The following HABP2 variants were observed in gnomAD, a reference collection of about 807,000 sequenced individuals.
The protein encoded by HABP2 is hyaluronan binding protein 2.
In HABP2, 65 loss-of-function variants were observed where a neutral mutation model predicts 66.5. The ratio of observed to expected loss-of-function variants is 0.98; its 90% CI spans 0.80 to 1.20. The LOEUF is 1.20. HABP2 is among the 50% of genes most tolerant of loss of function. HABP2 has a pLI of 0.00. For missense variants in HABP2, 786 were observed against 691.0 expected, an observed-to-expected ratio of 1.14 and a Z score of -1.54; for synonymous variants, 263 against 253.9, an observed-to-expected ratio of 1.04 and a Z score of -0.34.
At chr10:113,570,772 G>A (rs751910775) in intron 2 of HABP2, among the ~76,000 whole-genome samples, 1 of 152,220 alleles carries the variant, frequency 6.6e-6, no homozygotes, top group Non-Finnish European at 1.5e-5. Context: ...CAATCAGAAA[G>A]CAGAAAGGCT....
At chr10:113,564,254 A>T (rs1845155856) in intron 1 of HABP2, among the ~76,000 whole-genome samples, 1 of 152,106 alleles carries the variant, frequency 6.6e-6, no homozygotes, top group Non-Finnish European at 1.5e-5. Context: ...CCATGATTCA[A>T]TTACCTCCCA....
chr10:113,564,599 A>G (rs11196379), intron 1 of HABP2, among the ~76,000 whole-genome samples: 49,459 of 151,584 alleles, frequency 0.33, 9,362 homozygotes, highest in East Asian at 0.51. Context: ...ATAACAAATG[A>G]CCTCTCTTCC....
At position 113,576,004 on chromosome 10, in the gene HABP2, G is replaced by C. The variant is rs1845402662; in HGVS notation, c.331G>C (p.Val111Leu). The C allele has an allele frequency of 6.5e-7, 1 of 1,527,790 alleles. No individual in the cohort carries two copies. Among genetic ancestry groups the C allele is most frequent in the South Asian group, 1.1e-5 (1 of 89,302 alleles). The allele number at this position is 1,527,790 out of a possible 1,614,324, so 94.6% of individuals were successfully genotyped here. Residue 111 changes from valine to leucine, a missense_variant and splice_region_variant, in exon 4 of 13, where the codon GTG becomes CTG. By Grantham distance (32) the Val-to-Leu change is conservative (BLOSUM62 1). Coordinates refer to ENST00000351270, the MANE Select transcript of HABP2 (RefSeq NM_004132.5). Reference sequence around the variant, plus strand: ...TTTCTCTGGGAATAAGTGTCAGAAAGGTGAGTCCGTCATCACTAGTCCACT... The same window carrying C: ...TTTCTCTGGGAATAAGTGTCAGAAACGTGAGTCCGTCATCACTAGTCCACT... ...APFSGNKCQK[V>L]QNTCKDNPCG...
chr10:113,581,798 G>A, intron 8 of HABP2, 78 bp from the exon 9 acceptor site: 2 of 1,479,570 alleles, frequency 1.4e-6, no homozygotes, highest in Non-Finnish European at 1.9e-6. Flanking sequence ...TGGGCTCAGA[G>A]TCATACCTCT....
intron 1 of HABP2, among the ~76,000 whole-genome samples, chr10:113,557,982 A>G (rs905071690): frequency 6.6e-6 from 1 of 152,216 alleles, no homozygotes; most frequent in Non-Finnish European, 1.5e-5. Flanking sequence ...GGTCTGCCCA[A>G]CGCCTAGTTC....
intron 1 of HABP2, among the ~76,000 whole-genome samples, chr10:113,563,182 A>C (rs1046239332): frequency 6.6e-6 from 1 of 152,070 alleles, no homozygotes; most frequent in African/African-American, 2.4e-5. Flanking sequence ...TCTTCCTCCT[A>C]CTCTTCCATC....
intron 9 of HABP2, among the ~76,000 whole-genome samples, chr10:113,582,701 C>T (rs1410811965): frequency 1.3e-5 from 2 of 152,314 alleles, no homozygotes; most frequent in East Asian, 3.9e-4. Flanking sequence ...TTCATCCATG[C>T]CTCCTGTGTG....
rs769642130 is a variant in HABP2, at chr10:113,589,098, C to T, written c.*729C>T. On this transcript the variant is annotated 3_prime_UTR_variant, in exon 13 of 13. Transcript: ENST00000351270. ...CCCCCCGCTGCTGAAATCAAACATACCCCAAGTTAAAATGAAGCTCCCCCA... is the reference window on the plus strand; with the variant it reads ...CCCCCCGCTGCTGAAATCAAACATATCCCAAGTTAAAATGAAGCTCCCCCA... The T allele has an allele frequency of 4.4e-6, 7 of 1,607,042 alleles. No individual in the cohort carries two copies. Among genetic ancestry groups the T allele is most frequent in the East Asian group, 2.2e-5 (1 of 44,834 alleles).
intron 1 of HABP2, among the ~76,000 whole-genome samples, chr10:113,566,117 G>A (rs149259414): frequency 2.4e-3 from 366 of 152,324 alleles, no homozygotes; most frequent in African/African-American, 8.3e-3. Flanking sequence ...ATACCAAACT[G>A]CCTAGCTTGA....
In HABP2 at chr10:113,588,580, C is replaced by CAAGG. The variant is rs1845721245; in HGVS notation, c.*214_*217dup. On this transcript the variant is annotated 3_prime_UTR_variant, in exon 13 of 13. Coordinates refer to ENST00000351270, the MANE Select transcript of HABP2 (RefSeq NM_004132.5). ...GCTTCTTCTGCCTCCCTTGGTAACC[C>CAAGG]AAGGAATGATGGAATCAACACAACA... 5.5e-6 allele frequency: 3 copies of CAAGG among 546,022 alleles called. No homozygotes were observed. In the East Asian group the frequency reaches 8.7e-5, roughly 16 times the overall value. 33.8% of individuals were successfully genotyped at this position (546,022 alleles called of 1,614,324 possible).
intron 3 of HABP2, 30 bp downstream of exon 3, chr10:113,574,435 C>A (rs746211718): frequency 5.4e-6 from 6 of 1,111,382 alleles, no homozygotes; most frequent in Non-Finnish European, 6.9e-6. Context: ...CAGGGACTCT[C>A]CTGGGAGAAG....
intron 3 of HABP2, among the ~76,000 whole-genome samples, chr10:113,575,048 G>T (rs1309876672): frequency 6.6e-6 from 1 of 152,126 alleles, no homozygotes; most frequent in Non-Finnish European, 1.5e-5. Context: ...AAGAAGCTGG[G>T]TCCAAGCAAT....
At position 113,578,666 on chromosome 10, in the gene HABP2, G is replaced by A. The variant is rs759297516; in HGVS notation, c.608G>A (p.Arg203Gln). Residue 203 changes from arginine (R) to glutamine (Q), a missense_variant, in exon 7 of 13, where the codon CGA (arginine) becomes CAA (glutamine). Arg to Gln is a conservative substitution (Grantham distance 43, BLOSUM62 1). Transcript: ENST00000351270. ...DCYVGDGYSY[R>Q]GKMNRTVNQH... ...TATGTTGGCGATGGCTACTCTTACC[G>A]AGGGAAAATGAATAGGACAGTCAAC... 7.6e-5 allele frequency: 123 copies of A among 1,612,718 alleles called. No individual in the cohort carries two copies. The highest frequency in any genetic ancestry group is 1.7e-4 in the African/African-American group (13 of 74,816).
intron 2 of HABP2, among the ~76,000 whole-genome samples, chr10:113,568,521 G>A (rs894037322): frequency 1.3e-5 from 2 of 152,208 alleles, no homozygotes; most frequent in African/African-American, 4.8e-5. Flanking sequence ...TGGAGTTGAA[G>A]AGAAATATAT....
At chr10:113,551,627 G>A (rs557824276), upstream of HABP2, among the ~76,000 whole-genome samples, 43 of 152,232 alleles carry the variant, frequency 2.8e-4, no homozygotes, top group African/African-American at 9.4e-4. Context: ...CCAAGATGGC[G>A]AAATGCCGTC....
chr10:113,575,964 C>T lies in HABP2; in HGVS notation c.291C>T (p.Cys97=). ...DCLVHGSTFT[C]SCLAPFSGNK... is the part of the protein sequence containing the mutation. ...TCGTCCATGGGAGCACCTTCACATGCAGCTGCCTGGCTCCTTTCTCTGGGA... is the reference window on the plus strand; with the variant it reads ...TCGTCCATGGGAGCACCTTCACATGTAGCTGCCTGGCTCCTTTCTCTGGGA... Residue 97 remains cysteine (C), a synonymous_variant, in exon 4 of 13, where the codon TGC becomes TGT. Transcript: ENST00000351270. 1 of 1,610,024 alleles carries T rather than the reference C, an allele frequency of 6.2e-7. No homozygotes were observed. The highest frequency in any genetic ancestry group is 8.5e-7 in the Non-Finnish European group (1 of 1,176,226).
At chr10:113,575,037 G>GAAAAT (rs5788027) in intron 3 of HABP2, among the ~76,000 whole-genome samples, 149,872 of 152,154 alleles carry the variant, frequency 0.99, 73,839 homozygotes, top group East Asian at 1. Context: ...GGACAGAAAA[G>GAAAAT]AAGAAGCTGG....
intron 1 of HABP2, among the ~76,000 whole-genome samples, chr10:113,559,730 A>T (rs3781383): frequency 0.36 from 54,416 of 152,090 alleles, 10,397 homozygotes; most frequent in East Asian, 0.61. Context: ...AATTCTCCGG[A>T]TGTAACAAAT....
chr10:113,582,686 G>T (rs1178810633), intron 9 of HABP2, among the ~76,000 whole-genome samples: 1 of 152,194 alleles, frequency 6.6e-6, no homozygotes, highest in African/African-American at 2.4e-5. Context: ...TCTGAGTCAG[G>T]TGTCTTCATC....
Sources: allele counts gnomAD v4.1 joint callset (sites outside exome capture counted in the v4.1 genomes callset), GRCh38; gene constraint gnomAD v4.1.1; transcripts MANE v1.5; gene names NCBI Gene and HGNC (gene_info 2026-07-23, HGNC 2026-07-21).